Variants in PRRC2C observed in about 807,000 individuals in gnomAD.
PRRC2C encodes proline rich coiled-coil 2C, also known as protein PRRC2C.
Under a neutral mutation model 317.2 loss-of-function variants are expected in PRRC2C, and 72 were observed. The ratio of observed to expected loss-of-function variants is 0.23; its 90% CI spans 0.19 to 0.28. The LOEUF is 0.28. PRRC2C is among the 10% of genes least tolerant of loss of function. The pLI, the probability that PRRC2C is intolerant of heterozygous loss-of-function variation, is 1.00. For synonymous variants in PRRC2C, 1,296 were observed against 1,205.9 expected (o/e 1.07, Z -1.55); for missense variants, 3,074 against 3,459.7 (o/e 0.89, Z 2.80).
At chr1:171,590,100 G>GT (rs1258622545) in intron 34 of PRRC2C, among the ~76,000 whole-genome samples, 1 of 150,436 alleles carries the variant, frequency 6.6e-6, no homozygotes, top group Non-Finnish European at 1.5e-5. Context: ...GGTAAGATGT[G>GT]TTACTATCTT....
intron 19 of PRRC2C, 136 bp from the exon 20 acceptor site, chr1:171,560,882 T>C (rs1682553971): frequency 1.3e-6 from 1 of 753,782 alleles, no homozygotes; most frequent in Non-Finnish European, 2.3e-6. Context: ...TCTTTGTAAG[T>C]CTGATTTGAA....
intron 1 of PRRC2C, among the ~76,000 whole-genome samples, chr1:171,498,648 A>G (rs1668549297): frequency 6.6e-6 from 1 of 152,168 alleles, no homozygotes; most frequent in African/African-American, 2.4e-5. Context: ...TTACTAGTTT[A>G]CTGATTACTG....
At position 171,485,541 on chromosome 1, in the gene PRRC2C, T is replaced by A. The variant is rs1190011974; in HGVS notation, c.-252T>A. The A allele has an allele frequency of 6.5e-6, 1 of 152,678 alleles. No homozygotes were observed. Among genetic ancestry groups the A allele is most frequent in the Non-Finnish European group, 1.5e-5 (1 of 68,062 alleles). 9.5% of individuals were successfully genotyped at this position (152,678 alleles called of 1,614,324 possible). On this transcript the variant is annotated 5_prime_UTR_variant, in exon 1 of 35. Transcript: ENST00000647382. Reference sequence around the variant, plus strand: ...GGGGCTGGCTAGCCGCCATCTTGCTTCTTTTTCTCGCTCGCTCGCTCCCCC... The same window carrying A: ...GGGGCTGGCTAGCCGCCATCTTGCTACTTTTTCTCGCTCGCTCGCTCCCCC...
intron 22 of PRRC2C, among the ~76,000 whole-genome samples, chr1:171,567,068 A>G (rs1174491393): frequency 6.6e-6 from 1 of 152,228 alleles, no homozygotes; most frequent in Admixed American, 6.5e-5. Flanking sequence ...ATTCTGGACT[A>G]TTTGAGTAGC....
intron 23 of PRRC2C, among the ~76,000 whole-genome samples, chr1:171,569,930 A>G (rs542635840): frequency 2.8e-4 from 43 of 152,168 alleles, no homozygotes; most frequent in African/African-American, 1.0e-3. Context: ...TATCCAGATG[A>G]GCATTTTGAT....
Position 171,577,534 on chromosome 1 carries a change from C to T in PRRC2C, c.7056C>T (p.Ser2352=). The change falls in exon 26 of 35, where the codon AGC becomes AGT. Residue 2352 remains serine (S), a synonymous_variant. Coordinates refer to ENST00000647382, the MANE Select transcript of PRRC2C (RefSeq NM_001387844.1). ...TGAAACCTCAGCAGTTACAGACAAG[C>T]AGCCTGCCTTCTGCAAGTCATTTTT... ...CKVKPQQLQT[S]SLPSASHFSQ... is the part of the protein sequence containing the mutation. The T allele has an allele frequency of 6.2e-7, 1 of 1,613,158 alleles. No homozygotes were observed. The highest frequency in any genetic ancestry group is 1.7e-5 in the Admixed American group (1 of 60,014).
Position 171,568,444 on chromosome 1 carries a change from C to T in PRRC2C, c.6651+105C>T, listed in dbSNP as rs892716416. 5.7e-6 allele frequency: 8 copies of T among 1,414,940 alleles called. No homozygotes were observed. In the African/African-American group the frequency reaches 1.1e-4, roughly 20 times the overall value. The allele number at this position is 1,414,940 out of a possible 1,614,324, so 87.6% of individuals were successfully genotyped here. The stretch of plus-strand genomic sequence containing the variant: ...TTACTGTAGTGATCAATATTTAACT[C>T]AGGGAAAGAGTTGATAGTAAATTTG... On this transcript the variant is annotated intron_variant, in intron 23 of 34. Transcript: ENST00000647382.
chr1:171,494,148 C>T (rs1206816434), intron 1 of PRRC2C, among the ~76,000 whole-genome samples: 1 of 152,192 alleles, frequency 6.6e-6, no homozygotes, highest in Non-Finnish European at 1.5e-5. Flanking sequence ...TGGCAATCAC[C>T]TCATTAAGTA....
rs1671582157 is a variant in PRRC2C, at chr1:171,512,568, G to A, written c.112+368G>A. ...GAGAAAGTCTTATGTTTCGTGTGTG[G>A]GGGTGTGTGTGTGTGTGTGTTAGAT... On this transcript the variant is annotated intron_variant, in intron 2 of 34. Coordinates refer to ENST00000647382, the MANE Select transcript of PRRC2C (RefSeq NM_001387844.1). 1.9e-5 allele frequency: 5 copies of A among 266,198 alleles called. No homozygotes were observed. In the South Asian group the frequency reaches 2.1e-4, roughly 11 times the overall value. 16.5% of individuals were successfully genotyped at this position (266,198 alleles called of 1,614,324 possible).
intron 7 of PRRC2C, 91 bp from the exon 8 acceptor site, chr1:171,523,130 T>C (rs898942935): frequency 2.5e-6 from 3 of 1,209,524 alleles, no homozygotes; most frequent in Non-Finnish European, 3.4e-6. Flanking sequence ...AAAACACTAA[T>C]GTTGAAATGA....
chr1:171,509,105 T>C (rs1186948535), intron 1 of PRRC2C, among the ~76,000 whole-genome samples: 2 of 152,074 alleles, frequency 1.3e-5, no homozygotes, highest in Non-Finnish European at 2.9e-5. Flanking sequence ...CAGGATGGTC[T>C]CGATCTCCTG....
chr1:171,528,092 ACTTTTT>A (rs1674998711), intron 11 of PRRC2C, among the ~76,000 whole-genome samples: 1 of 151,952 alleles, frequency 6.6e-6, no homozygotes, highest in African/African-American at 2.4e-5. Flanking sequence ...CTGCCCGTAT[ACTTTTT>A]CTTCCTATTG....
intron 14 of PRRC2C, among the ~76,000 whole-genome samples, 160 bp downstream of exon 14, chr1:171,536,438 A>G (rs1195625716): frequency 4.6e-5 from 7 of 152,158 alleles, no homozygotes; most frequent in African/African-American, 1.7e-4. Context: ...AATATCTGAC[A>G]CTCATATTAC....
rs763934057 is a variant in PRRC2C at position 171,574,973 on chromosome 1, A to G, written c.6800A>G (p.Glu2267Gly). ...KAWENSPNVR[E>G]KGSPVTSTAP... ...TGGGAGAATTCTCCAAATGTAAGGG[A>G]AAAGGGGTCTCCAGTAACTTCCACA... Residue 2267 changes from glutamate to glycine, a missense_variant, in exon 25 of 35, where the codon GAA becomes GGA. This residue lies in a region of PRRC2C where 490 missense variants were observed against 663.1 expected (regional missense o/e 0.74). Transcript: ENST00000647382. 7 of 1,613,744 alleles carry G rather than the reference A, an allele frequency of 4.3e-6. No homozygotes were observed. The East Asian group carries it at 1.1e-4, about 26-fold the overall frequency.
At chr1:171,522,526 T>C (rs1460627963) in intron 7 of PRRC2C, 1 of 204,126 alleles carries the variant, frequency 4.9e-6, no homozygotes, top group Admixed American at 5.8e-5. Context: ...TCCCAGCACT[T>C]TGGAAGGCCG....
chr1:171,520,262 C>T (rs1277136175), intron 6 of PRRC2C, among the ~76,000 whole-genome samples: 1 of 152,100 alleles, frequency 6.6e-6, no homozygotes, highest in Non-Finnish European at 1.5e-5. Context: ...CGTGCCTGGC[C>T]ATTAAACGTT....
chr1:171,565,352 GTTCT>G (rs1269221789), intron 20 of PRRC2C, among the ~76,000 whole-genome samples: 4 of 152,164 alleles, frequency 2.6e-5, no homozygotes, highest in African/African-American at 7.2e-5. Context: ...TGACTTTTCA[GTTCT>G]TTATTTGCTT....
Position 171,566,859 on chromosome 1 carries a change from G to A in PRRC2C, c.6558+16G>A. ...TAATGCAAAGGTAAGCCACATGTAG[G>A]GATTACCAGTTCAACAGATGCAAGC... On this transcript the variant is annotated intron_variant, in intron 22 of 34. Transcript: ENST00000647382. The A allele has an allele frequency of 6.3e-7, 1 of 1,591,286 alleles. No individual in the cohort carries two copies. Among genetic ancestry groups the A allele is most frequent in the Non-Finnish European group, 8.5e-7 (1 of 1,170,556 alleles).
intron 25 of PRRC2C, among the ~76,000 whole-genome samples, chr1:171,576,302 G>A (rs972340396): frequency 3.3e-5 from 5 of 152,034 alleles, no homozygotes; most frequent in African/African-American, 9.7e-5. Flanking sequence ...CAACTAACCC[G>A]TTTCCCCAGG....
Sources: gnomAD v4.1 joint callset for allele counts (sites outside exome capture counted in the v4.1 genomes callset) on GRCh38, gnomAD v4.1.1 for gene constraint, gnomAD v4.1.1 regional missense constraint, MANE v1.5 for transcripts, NCBI Gene and HGNC (gene_info 2026-07-23, HGNC 2026-07-21) for gene names.